The following PTPRD variants were observed in gnomAD, a reference collection of about 807,000 sequenced individuals.
The protein encoded by PTPRD is protein tyrosine phosphatase receptor type D, also known as receptor-type tyrosine-protein phosphatase delta.
PTPRD carries 34 observed loss-of-function variants against 214.5 expected under a neutral mutation model. The ratio of observed to expected loss-of-function variants is 0.16; its 90% CI spans 0.12 to 0.21. The LOEUF is 0.21. Among genes scored for constraint, PTPRD ranks in the 10% least tolerant of loss-of-function variants. The probability of loss-of-function intolerance (pLI) is 1.00; values close to 1 mark genes in which losing one functional copy is unlikely to be tolerated. For synonymous variants in PTPRD, 1,128 were observed against 845.7 expected, an observed-to-expected ratio of 1.33 and a Z score of -5.79; for missense variants, 2,545 against 2,398.7, an observed-to-expected ratio of 1.06 and a Z score of -1.27.
chr9:9,242,040 G>A (rs2099970615), intron 9 of PTPRD, among the ~76,000 whole-genome samples: 1 of 151,974 alleles, frequency 6.6e-6, no homozygotes, highest in Non-Finnish European at 1.5e-5. Flanking sequence ...GGCAGGCCTG[G>A]TGGTGACAAA....
chr9:10,047,972 G>T (rs934119646), intron 3 of PTPRD, among the ~76,000 whole-genome samples: 1 of 152,074 alleles, frequency 6.6e-6, no homozygotes, highest in East Asian at 1.9e-4. Context: ...CCTCATTTCT[G>T]ATAGTTCCCA....
intron 4 of PTPRD, among the ~76,000 whole-genome samples, chr9:9,952,308 G>A (rs944554312): frequency 5.3e-5 from 8 of 152,166 alleles, no homozygotes; most frequent in African/African-American, 1.9e-4. Flanking sequence ...GCCAGGTGAT[G>A]GTACTTAAAC....
At chr9:9,526,617 ACT>A (rs1425824596) in intron 8 of PTPRD, among the ~76,000 whole-genome samples, 1 of 152,186 alleles carries the variant, frequency 6.6e-6, no homozygotes, top group Admixed American at 6.5e-5. Context: ...ATTGGACATA[ACT>A]TTAATGCCAC....
chr9:10,142,154 C>T (rs926519568), intron 3 of PTPRD, among the ~76,000 whole-genome samples: 3 of 152,020 alleles, frequency 2.0e-5, no homozygotes, highest in Admixed American at 2.0e-4. Flanking sequence ...AATGTTAGAC[C>T]TAAAACCATA....
At chr9:9,498,543 A>G (rs1228384364) in intron 8 of PTPRD, among the ~76,000 whole-genome samples, 1 of 152,116 alleles carries the variant, frequency 6.6e-6, no homozygotes, top group Non-Finnish European at 1.5e-5. Context: ...TAGATATGAA[A>G]TTCTCCTTGT....
chr9:9,633,638 T>C (rs1002543172), intron 7 of PTPRD, among the ~76,000 whole-genome samples: 1 of 152,198 alleles, frequency 6.6e-6, no homozygotes, highest in African/African-American at 2.4e-5. Flanking sequence ...TTATTATTCA[T>C]GTTCGAAGGA....
In PTPRD at chr9:8,537,383, C is replaced by T. The variant is rs575306309; in HGVS notation, c.353-8604G>A. Among the ~76,000 whole-genome samples the T allele has an allele frequency of 8.6e-5, 13 of 151,912 alleles. No individual in the cohort carries two copies. The South Asian group carries it at 2.1e-3, about 24-fold the overall frequency. ...TTAATACATGACATTCCAAATGGAA[C>T]ATACGATAAATATAAGATCTGTTCC... On this transcript the variant is annotated intron_variant, in intron 14 of 45. Transcript: ENST00000381196.
At chr9:9,752,507 G>A (rs1037587651) in intron 6 of PTPRD, among the ~76,000 whole-genome samples, 4 of 150,784 alleles carry the variant, frequency 2.7e-5, no homozygotes, top group Non-Finnish European at 4.4e-5. Context: ...AAAATGGAGT[G>A]TGCCTTTCAA....
At chr9:8,691,621 T>C (rs924755863) in intron 12 of PTPRD, among the ~76,000 whole-genome samples, 1 of 152,156 alleles carries the variant, frequency 6.6e-6, no homozygotes, top group Non-Finnish European at 1.5e-5. Context: ...ATATACTTAT[T>C]GGTACAAACA....
In PTPRD at chr9:10,486,149, G is replaced by T. The variant is rs193164146; in HGVS notation, c.-600+126249C>A. ...CTGTAGGTTGCCTGTTCACTCTGAT[G>T]GTAGTTTCTTTTGCTGTGCAGAAGC... is the stretch of plus-strand genomic sequence containing the variant. On this transcript the variant is annotated intron_variant, in intron 2 of 45. Coordinates refer to ENST00000381196, the MANE Select transcript of PTPRD (RefSeq NM_002839.4). Among the ~76,000 whole-genome samples, 155 of 152,036 alleles carry T rather than the reference G, an allele frequency of 1.0e-3. 1 individual carries two copies. Among genetic ancestry groups the T allele is most frequent in the Middle Eastern group, 6.8e-3 (2 of 294 alleles).
intron 9 of PTPRD, among the ~76,000 whole-genome samples, chr9:9,198,845 T>C (rs1331524748): frequency 6.6e-6 from 1 of 152,174 alleles, no homozygotes; most frequent in Non-Finnish European, 1.5e-5. Flanking sequence ...AAGAGGTAGA[T>C]GAACAGAACT....
intron 4 of PTPRD, among the ~76,000 whole-genome samples, chr9:9,980,235 A>G (rs1426613811): frequency 1.3e-5 from 2 of 152,140 alleles, no homozygotes; most frequent in Non-Finnish European, 2.9e-5. Context: ...AAATATTAAA[A>G]CCAATGAGTG....
At chr9:9,279,018 A>T (rs1175685639) in intron 9 of PTPRD, among the ~76,000 whole-genome samples, 1 of 151,250 alleles carries the variant, frequency 6.6e-6, no homozygotes, top group East Asian at 2.0e-4. Context: ...GGAAAACTAT[A>T]TATTAATTTA....
At chr9:8,934,464 A>AATAT (rs375805962) in intron 11 of PTPRD, among the ~76,000 whole-genome samples, 128 of 11,078 alleles carry the variant, frequency 0.012, 8 homozygotes, top group Non-Finnish European at 0.018. Flanking sequence ...TATATATATA[A>AATAT]ATATATATAT....
chr9:9,830,479 C>A (rs1437540853), intron 5 of PTPRD, among the ~76,000 whole-genome samples: 1 of 151,760 alleles, frequency 6.6e-6, no homozygotes, highest in Non-Finnish European at 1.5e-5. Context: ...TGTACATTTA[C>A]CTTGTTTTCA....
chr9:10,445,547 G>C (rs1213189030), intron 2 of PTPRD, among the ~76,000 whole-genome samples: 1 of 152,062 alleles, frequency 6.6e-6, no homozygotes, highest in African/African-American at 2.4e-5. Context: ...ATGCATACAG[G>C]ACTTAGTAAC....
chr9:9,373,488 T>C (rs1451024880), intron 9 of PTPRD, among the ~76,000 whole-genome samples: 2 of 152,062 alleles, frequency 1.3e-5, no homozygotes, highest in East Asian at 1.9e-4. Context: ...ATGAGTCTTA[T>C]GGGGCTAAAC....
chr9:10,271,706 C>A (rs1423745642), intron 3 of PTPRD, among the ~76,000 whole-genome samples: 1 of 151,824 alleles, frequency 6.6e-6, no homozygotes, highest in Non-Finnish European at 1.5e-5. Context: ...CCACACCCGG[C>A]TAATTTTTGT....
At chr9:10,181,417 C>T (rs746000626) in intron 3 of PTPRD, among the ~76,000 whole-genome samples, 3 of 152,116 alleles carry the variant, frequency 2.0e-5, no homozygotes, top group Non-Finnish European at 4.4e-5. Context: ...AGTGACTTGA[C>T]ATTGTGGATA....
Sources: gnomAD v4.1 joint callset for allele counts (sites outside exome capture counted in the v4.1 genomes callset) on GRCh38, gnomAD v4.1.1 for gene constraint, MANE v1.5 for transcripts, NCBI Gene and HGNC (gene_info 2026-07-23, HGNC 2026-07-21) for gene names.